Variants in GABRB1 observed in about 807,000 individuals in gnomAD.
GABRB1 encodes the protein gamma-aminobutyric acid receptor subunit beta-1.
In GABRB1, 17 loss-of-function variants were observed where a neutral mutation model predicts 51.6. The observed-to-expected ratio is 0.33, with a 90% CI of 0.23 to 0.49. The LOEUF (loss-of-function observed/expected upper bound fraction) is 0.49, where lower values mean the gene tolerates loss of function less well. Ranked by LOEUF, GABRB1 falls within the 20% of genes least tolerant of loss-of-function variation. The probability of loss-of-function intolerance (pLI) is 0.99; values close to 1 mark genes in which losing one functional copy is unlikely to be tolerated. For missense variants in GABRB1, 410 were observed against 600.6 expected (o/e 0.68, Z 3.32); for synonymous variants, 247 against 218.9 (o/e 1.13, Z -1.14).
chr4:47,198,985 A>C (rs1310927475), intron 4 of GABRB1, among the ~76,000 whole-genome samples: 1 of 152,124 alleles, frequency 6.6e-6, no homozygotes, highest in Non-Finnish European at 1.5e-5. Flanking sequence ...GCATGGAGGA[A>C]ACCACCCCCA....
chr4:47,186,152 A>G (rs1719169019), intron 4 of GABRB1, among the ~76,000 whole-genome samples: 1 of 150,344 alleles, frequency 6.7e-6, no homozygotes, highest in Non-Finnish European at 1.5e-5. Flanking sequence ...GTTTTAACAA[A>G]TAGAATTTCG....
At chr4:47,424,460 C>T (rs1365601590) in intron 8 of GABRB1, among the ~76,000 whole-genome samples, 1 of 152,226 alleles carries the variant, frequency 6.6e-6, no homozygotes, top group East Asian at 1.9e-4. Context: ...GTTGCACCAT[C>T]ATGTGCTATC....
At chr4:47,256,670 C>T (rs867610372) in intron 4 of GABRB1, among the ~76,000 whole-genome samples, 7 of 152,256 alleles carry the variant, frequency 4.6e-5, no homozygotes, top group Middle Eastern at 3.4e-3. Context: ...CATATTTTCA[C>T]ATGGTGGAGC....
chr4:47,210,647 T>G (rs1720317251), intron 4 of GABRB1, among the ~76,000 whole-genome samples: 1 of 152,192 alleles, frequency 6.6e-6, no homozygotes, highest in South Asian at 2.1e-4. Context: ...ATAATAATTG[T>G]GTAGATTTAA....
At chr4:47,088,537 A>G (rs1728169547) in intron 3 of GABRB1, among the ~76,000 whole-genome samples, 1 of 152,196 alleles carries the variant, frequency 6.6e-6, no homozygotes, top group African/African-American at 2.4e-5. Context: ...ACAAGAAGAA[A>G]GTGCTACAAA....
At chr4:47,258,256 G>C (rs1722292811) in intron 4 of GABRB1, among the ~76,000 whole-genome samples, 1 of 152,108 alleles carries the variant, frequency 6.6e-6, no homozygotes, top group African/African-American at 2.4e-5. Flanking sequence ...TTCCAGAACT[G>C]ATTAGAATTT....
chr4:47,223,063 C>G (rs1008862658), intron 4 of GABRB1, among the ~76,000 whole-genome samples: 5 of 152,056 alleles, frequency 3.3e-5, no homozygotes, highest in Non-Finnish European at 5.9e-5. Context: ...AGCAATATCC[C>G]TAAGGCAATA....
chr4:47,372,627 C>A (rs906959521), intron 5 of GABRB1, among the ~76,000 whole-genome samples: 1 of 152,180 alleles, frequency 6.6e-6, no homozygotes, highest in Non-Finnish European at 1.5e-5. Context: ...AGAGTCAAGT[C>A]GGCTCTGTCA....
At chr4:47,416,423 A>C (rs971220443) in intron 8 of GABRB1, among the ~76,000 whole-genome samples, 1 of 152,022 alleles carries the variant, frequency 6.6e-6, no homozygotes, top group African/African-American at 2.4e-5. Flanking sequence ...CAGAGTAAAC[A>C]GAAGATATAA....
intron 3 of GABRB1, among the ~76,000 whole-genome samples, chr4:47,151,149 A>G (rs946481487): frequency 2.0e-5 from 3 of 151,988 alleles, no homozygotes; most frequent in African/African-American, 7.2e-5. Flanking sequence ...AAGGTTTCCA[A>G]ATGGGCCCAA....
chr4:47,193,216 G>A (rs1275157317), intron 4 of GABRB1, among the ~76,000 whole-genome samples: 5 of 152,112 alleles, frequency 3.3e-5, no homozygotes, highest in African/African-American at 4.8e-5. Flanking sequence ...TCTGCCTCCC[G>A]GGTTCAAGAA....
chr4:47,258,037 G>A (rs1044123487), intron 4 of GABRB1, among the ~76,000 whole-genome samples: 1 of 152,100 alleles, frequency 6.6e-6, no homozygotes, highest in African/African-American at 2.4e-5. Flanking sequence ...TATTTTTAAT[G>A]TGTAAAAATA....
At chr4:47,175,177 C>A (rs910924820) in intron 4 of GABRB1, among the ~76,000 whole-genome samples, 1 of 142,690 alleles carries the variant, frequency 7.0e-6, no homozygotes, top group Non-Finnish European at 1.5e-5. Flanking sequence ...ATCTTTCTTT[C>A]TTTTCTTTCT....
intron 3 of GABRB1, among the ~76,000 whole-genome samples, chr4:47,157,454 ATT>A (rs1717755945): frequency 6.6e-6 from 1 of 152,138 alleles, no homozygotes; most frequent in East Asian, 1.9e-4. Context: ...GCTTTATTAT[ATT>A]CAGATGTCAC....
intron 3 of GABRB1, among the ~76,000 whole-genome samples, chr4:47,129,595 GC>G (rs1716320617): frequency 6.6e-6 from 1 of 152,126 alleles, no homozygotes; most frequent in Non-Finnish European, 1.5e-5. Context: ...AATTATATGA[GC>G]AATTGTAAAT....
At chr4:47,113,422 C>T (rs1425715222) in intron 3 of GABRB1, among the ~76,000 whole-genome samples, 2 of 147,334 alleles carry the variant, frequency 1.4e-5, no homozygotes, top group Non-Finnish European at 3.0e-5. Flanking sequence ...ACGTTGAGTA[C>T]ATAATGTGTT....
chr4:47,036,900 G>GA (rs1324236910), intron 3 of GABRB1, among the ~76,000 whole-genome samples: 3 of 151,422 alleles, frequency 2.0e-5, no homozygotes, highest in Non-Finnish European at 4.4e-5. Context: ...GAAAAGTAAA[G>GA]AAAAAAAGAA....
intron 3 of GABRB1, among the ~76,000 whole-genome samples, chr4:47,064,944 A>G (rs111538214): frequency 3.8e-4 from 58 of 152,332 alleles, no homozygotes; most frequent in African/African-American, 1.4e-3. Context: ...GAGAGGTCTC[A>G]TTGTTATAAA....
chr4:47,257,333 C>A (rs1300946424), intron 4 of GABRB1, among the ~76,000 whole-genome samples: 2 of 152,130 alleles, frequency 1.3e-5, no homozygotes. Context: ...CCCTCATAGG[C>A]TCCTTACAAA....
Sources: allele counts gnomAD v4.1 joint callset (sites outside exome capture counted in the v4.1 genomes callset), GRCh38; gene constraint gnomAD v4.1.1; transcripts MANE v1.5; gene names NCBI Gene and HGNC (gene_info 2026-07-23, HGNC 2026-07-21).